DLG2: variants seen among roughly 807,000 people sequenced by gnomAD.
DLG2 encodes the protein disks large homolog 2.
DLG2 carries 45 observed loss-of-function variants against 132.5 expected under a neutral mutation model. The observed-to-expected ratio is 0.34, with a 90% CI of 0.27 to 0.44. The LOEUF is 0.44. Among genes scored for constraint, DLG2 ranks in the 20% least tolerant of loss-of-function variants. DLG2 has a pLI of 1.00. For missense variants in DLG2, 1,045 were observed against 1,196.9 expected (o/e 0.87, Z 1.87); for synonymous variants, 424 against 419.6 (o/e 1.01, Z -0.13).
intron 3 of DLG2, among the ~76,000 whole-genome samples, chr11:85,546,818 CTTTT>C (rs34822004): frequency 1.6e-4 from 11 of 68,962 alleles, no homozygotes; most frequent in Non-Finnish European, 2.6e-4. Context: ...ATAACCCCTG[CTTTT>C]TTTTTTTTTT....
chr11:83,990,653 G>A (rs932629560), intron 11 of DLG2, among the ~76,000 whole-genome samples: 1 of 152,154 alleles, frequency 6.6e-6, no homozygotes, highest in African/African-American at 2.4e-5. Flanking sequence ...TTCTTTGCGG[G>A]TGTAGAGAAC....
intron 18 of DLG2, chr11:83,725,122 T>A (rs2089746860): frequency 1.9e-6 from 1 of 534,898 alleles, no homozygotes; most frequent in Non-Finnish European, 3.4e-6. Context: ...TTTCTCCGTT[T>A]TAAACGCTGT....
intron 3 of DLG2, among the ~76,000 whole-genome samples, chr11:85,392,587 T>G (rs1226309829): frequency 1.3e-5 from 2 of 152,152 alleles, no homozygotes; most frequent in Non-Finnish European, 2.9e-5. Flanking sequence ...AAGGCCATAG[T>G]CACCAAAACA....
At chr11:85,420,272 C>G (rs1038679660) in intron 3 of DLG2, among the ~76,000 whole-genome samples, 1 of 152,198 alleles carries the variant, frequency 6.6e-6, no homozygotes, top group Non-Finnish European at 1.5e-5. Context: ...GTATGCAGAA[C>G]AGCAAAGACT....
chr11:84,749,469 A>G (rs1237368124), intron 6 of DLG2, among the ~76,000 whole-genome samples: 1 of 152,160 alleles, frequency 6.6e-6, no homozygotes, highest in South Asian at 2.1e-4. Flanking sequence ...CTATATGTAT[A>G]TATGTTTAGG....
chr11:83,568,408 T>G (rs1459375895), intron 19 of DLG2, among the ~76,000 whole-genome samples: 1 of 151,932 alleles, frequency 6.6e-6, no homozygotes, highest in African/African-American at 2.4e-5. Context: ...GCATACAAAT[T>G]AAGAAGTCCA....
chr11:84,575,657 C>G (rs2099497996), intron 6 of DLG2, among the ~76,000 whole-genome samples: 1 of 152,158 alleles, frequency 6.6e-6, no homozygotes, highest in Non-Finnish European at 1.5e-5. Flanking sequence ...TCTAACATCT[C>G]AAGTATGTAT....
At chr11:83,837,940 C>A (rs559254618) in intron 16 of DLG2, among the ~76,000 whole-genome samples, 7 of 152,020 alleles carry the variant, frequency 4.6e-5, no homozygotes, top group Middle Eastern at 3.2e-3. Flanking sequence ...TAGAGGCCAA[C>A]AGAATTTTCA....
intron 17 of DLG2, among the ~76,000 whole-genome samples, chr11:83,807,155 C>T (rs942968564): frequency 1.3e-5 from 2 of 152,114 alleles, no homozygotes; most frequent in Non-Finnish European, 2.9e-5. Flanking sequence ...GAAAGAGTGA[C>T]CATCGTCTGG....
At chr11:83,819,044 A>G (rs756093612) in intron 17 of DLG2, among the ~76,000 whole-genome samples, 5 of 152,112 alleles carry the variant, frequency 3.3e-5, no homozygotes, top group Non-Finnish European at 7.4e-5. Context: ...AAACAGAAAC[A>G]GTGTGATTTT....
chr11:83,633,132 G>T, intron 19 of DLG2, 79 bp downstream of exon 19: 1 of 1,294,196 alleles, frequency 7.7e-7, no homozygotes, highest in Non-Finnish European at 1.1e-6. Context: ...CACATGTTCT[G>T]TTGCTACATG....
intron 7 of DLG2, among the ~76,000 whole-genome samples, chr11:84,290,413 T>C (rs1290674782): frequency 6.6e-6 from 1 of 152,138 alleles, no homozygotes; most frequent in Non-Finnish European, 1.5e-5. Flanking sequence ...CCTCTTGGTT[T>C]TTCTGAGCCT....
intron 3 of DLG2, among the ~76,000 whole-genome samples, chr11:85,354,482 T>G (rs1466874281): frequency 6.6e-6 from 1 of 152,122 alleles, no homozygotes. Context: ...TTCCCCTTGT[T>G]CTTCAGGGGT....
Position 85,340,586 on chromosome 11 carries a change from T to G in DLG2, c.41-55221A>C, listed in dbSNP as rs577906970. Reference sequence around the variant, plus strand: ...TAAACCAACATGGCACATGTATACCTACGTATCAAACCTGCACATTGTGCA... The same window carrying G: ...TAAACCAACATGGCACATGTATACCGACGTATCAAACCTGCACATTGTGCA... On this transcript the variant is annotated intron_variant, in intron 3 of 27. Transcript: ENST00000376104. Among the ~76,000 whole-genome samples the G allele has an allele frequency of 7.2e-5, 11 of 152,344 alleles. No homozygotes were observed. In the East Asian group the frequency reaches 1.9e-3, roughly 27 times the overall value.
chr11:85,178,165 G>C (rs1276559469), intron 4 of DLG2, among the ~76,000 whole-genome samples: 1 of 151,848 alleles, frequency 6.6e-6, no homozygotes, highest in Admixed American at 6.6e-5. Context: ...ACAATATTTA[G>C]ACCAATGCTA....
chr11:84,545,751 C>CTTTTTT (rs35596423), intron 6 of DLG2: 5 of 106,748 alleles, frequency 4.7e-5, no homozygotes, highest in Non-Finnish European at 7.0e-5. Flanking sequence ...AGGTGATGTT[C>CTTTTTT]TTTTTTTTTT....
intron 6 of DLG2, among the ~76,000 whole-genome samples, chr11:84,844,135 G>A (rs80070581): frequency 0.15 from 6,367 of 42,886 alleles, 176 homozygotes; most frequent in Non-Finnish European, 0.18. Flanking sequence ...GTGTGTGTGT[G>A]TATATATATA....
At chr11:83,779,392 A>T (rs1287357250) in intron 18 of DLG2, among the ~76,000 whole-genome samples, 1 of 152,244 alleles carries the variant, frequency 6.6e-6, no homozygotes, top group Non-Finnish European at 1.5e-5. Context: ...TACATCATTC[A>T]GTTGTGATAC....
At chr11:85,352,524 C>G (rs1452854711) in intron 3 of DLG2, among the ~76,000 whole-genome samples, 1 of 152,100 alleles carries the variant, frequency 6.6e-6, no homozygotes, top group Non-Finnish European at 1.5e-5. Flanking sequence ...ATCTTTCCTG[C>G]TTTCTCTGGT....
Sources: allele counts gnomAD v4.1 joint callset (sites outside exome capture counted in the v4.1 genomes callset), GRCh38; gene constraint gnomAD v4.1.1; transcripts MANE v1.5; gene names NCBI Gene and HGNC (gene_info 2026-07-23, HGNC 2026-07-21).